The following LONRF1 variants were observed in gnomAD, a reference collection of about 807,000 sequenced individuals.
LONRF1 encodes LON peptidase N-terminal domain and ring finger 1, also known as LON peptidase N-terminal domain and RING finger protein 1.
A neutral mutation model predicts 85.8 loss-of-function variants in LONRF1; 37 were observed. That is an observed-to-expected ratio of 0.43 (90% confidence interval 0.33 to 0.57). The LOEUF (loss-of-function observed/expected upper bound fraction) is 0.57, where lower values mean the gene tolerates loss of function less well. LONRF1 is among the 20% of genes least tolerant of loss of function. The pLI is 0.04. For missense variants in LONRF1, 1,036 were observed against 978.0 expected, an observed-to-expected ratio of 1.06 and a Z score of -0.79; for synonymous variants, 517 against 390.1, an observed-to-expected ratio of 1.33 and a Z score of -3.83.
At chr8:12,742,637 T>C (rs1052577780) in intron 2 of LONRF1, among the ~76,000 whole-genome samples, 1 of 152,106 alleles carries the variant, frequency 6.6e-6, no homozygotes, top group African/African-American at 2.4e-5. Context: ...AATAAAGTCT[T>C]TTTTTTTCCT....
At chr8:12,733,066 G>C (rs1798588309) in intron 7 of LONRF1, among the ~76,000 whole-genome samples, 1 of 152,178 alleles carries the variant, frequency 6.6e-6, no homozygotes, top group African/African-American at 2.4e-5. Context: ...CCACGCCAGA[G>C]TCTCTGAGCA....
chr8:12,755,324 C>A lies in LONRF1; in HGVS notation c.97G>T (p.Gly33Cys). 8.0e-7 allele frequency: 1 copy of A among 1,255,146 alleles called. No individual in the cohort carries two copies. The highest frequency in any genetic ancestry group is 1.0e-6 in the Non-Finnish European group (1 of 995,558). 77.8% of individuals were successfully genotyped at this position (1,255,146 alleles called of 1,614,324 possible). Reference protein sequence around the residue: ...GRGRFWEVGGGSGHRLERAAA... With the variant: ...GRGRFWEVGGCSGHRLERAAA... ...GCGCGCTCCAGCCGATGGCCGCTGC[C>A]GCCGCCCACTTCCCAGAACCGGCCT... is the stretch of plus-strand genomic sequence containing the variant. Residue 33 changes from glycine to cysteine, a missense_variant, in exon 1 of 12, where the codon GGC becomes TGC. Coordinates refer to ENST00000398246, the MANE Select transcript of LONRF1 (RefSeq NM_152271.5).
chr8:12,737,998 C>G lies in LONRF1; in HGVS notation c.1110G>C (p.Lys370Asn), dbSNP rs748099411. The change falls in exon 4 of 12, where the codon AAG (lysine) becomes AAC (asparagine). Residue 370 changes from lysine (K) to asparagine (N), a missense_variant. Around this residue, in one of 3 missense-constraint regions of LONRF1, gnomAD observed 742 missense variants for 614.4 expected, o/e 1.21. Coordinates refer to ENST00000398246, the MANE Select transcript of LONRF1 (RefSeq NM_152271.5). ...ATAACCTTGTCTCACCCCGTACCTG[C>G]TTTGGGCTAGGTTCATTGAGAGACT... The part of the protein sequence containing the change: ...ESQSLNEPSP[K>N]QSEEIPEVTS... 6.2e-7 allele frequency: 1 copy of G among 1,603,074 alleles called. No individual in the cohort carries two copies. The highest frequency in any genetic ancestry group is 1.1e-5 in the South Asian group (1 of 87,330).
At chr8:12,734,868 T>C (rs1350960120) in intron 7 of LONRF1, among the ~76,000 whole-genome samples, 1 of 152,180 alleles carries the variant, frequency 6.6e-6, no homozygotes, top group Non-Finnish European at 1.5e-5. Context: ...AACATTTCCA[T>C]CAATGCAGAA....
chr8:12,746,613 T>G (rs563660557), intron 1 of LONRF1, among the ~76,000 whole-genome samples: 62 of 152,204 alleles, frequency 4.1e-4, no homozygotes, highest in Non-Finnish European at 6.9e-4. Context: ...TTAATTTCCT[T>G]AGCTTTAATA....
chr8:12,729,976 G>A (rs145151994), intron 8 of LONRF1, among the ~76,000 whole-genome samples: 3 of 152,290 alleles, frequency 2.0e-5, no homozygotes, highest in South Asian at 2.1e-4. Flanking sequence ...GCACAGGCAC[G>A]CTAAAGAACA....
intron 1 of LONRF1, among the ~76,000 whole-genome samples, chr8:12,750,620 C>A (rs1182032221): frequency 6.6e-6 from 1 of 152,106 alleles, no homozygotes; most frequent in Admixed American, 6.5e-5. Context: ...TTCATTTTAA[C>A]CTAGTTGAGT....
intron 1 of LONRF1, among the ~76,000 whole-genome samples, chr8:12,745,321 GAAAAAAAAAA>G (rs36196945): frequency 1.6e-5 from 2 of 122,332 alleles, no homozygotes; most frequent in African/African-American, 6.1e-5. Context: ...TATTTTTTTG[GAAAAAAAAAA>G]AAAAAAAAAA....
Position 12,755,480 on chromosome 8 carries a change from C to A in LONRF1, c.-60G>T. On this transcript the variant is annotated 5_prime_UTR_variant, in exon 1 of 12. Coordinates refer to ENST00000398246, the MANE Select transcript of LONRF1 (RefSeq NM_152271.5). The stretch of plus-strand genomic sequence containing the variant: ...CCACGGTCCCGGAGCCTCCCGGGCG[C>A]GCGGCTCCGCACGCGGCCCGCGAGC... 1 of 952,460 alleles carries A rather than the reference C, an allele frequency of 1.0e-6. No homozygotes were observed. Among genetic ancestry groups the A allele is most frequent in the Non-Finnish European group, 1.3e-6 (1 of 783,156 alleles). 59.0% of individuals were successfully genotyped at this position (952,460 alleles called of 1,614,324 possible).
At chr8:12,732,225 C>T (rs977723482) in intron 7 of LONRF1, among the ~76,000 whole-genome samples, 1 of 152,138 alleles carries the variant, frequency 6.6e-6, no homozygotes, top group Non-Finnish European at 1.5e-5. Context: ...GATACAAAAA[C>T]GGGATAAGGA....
At position 12,737,114 on chromosome 8, in the gene LONRF1, T is replaced by C. The variant is rs759353157; in HGVS notation, c.1140A>G (p.Ser380=). The C allele has an allele frequency of 1.8e-5, 29 of 1,612,666 alleles. No homozygotes were observed. In the East Asian group the frequency reaches 5.6e-4, roughly 31 times the overall value. ...KQSEEIPEVT[S]EPVKGSLNRA... ...GGTTTAAGCTTCCTTTGACAGGCTCTGAAGTGACCTCTGGTATTTCTTCAC... is the reference window on the plus strand; with the variant it reads ...GGTTTAAGCTTCCTTTGACAGGCTCCGAAGTGACCTCTGGTATTTCTTCAC... The change falls in exon 5 of 12, where the codon TCA becomes TCG. Residue 380 remains serine, a synonymous_variant. Transcript: ENST00000398246.
At chr8:12,725,965 T>C (rs1312629442) in intron 10 of LONRF1, 86 bp from the exon 11 acceptor site, 16 of 1,289,164 alleles carry the variant, frequency 1.2e-5, no homozygotes, top group Non-Finnish European at 1.7e-5. Context: ...GAAAAAGGGA[T>C]CAGAAGAACA....
In LONRF1 at chr8:12,751,308, T is replaced by TTGTTTG. The variant is rs1563160711; in HGVS notation, c.721+3391_721+3392insCAAACA. Reference sequence around the variant, plus strand: ...TTTTTATTTTTATGTTTTTTTTTTTTTTTTTTTTTTTTGAGACTGAGTCTT... The same window carrying TTGTTTG: ...TTTTTATTTTTATGTTTTTTTTTTTTTGTTTGTTTTTTTTTTTTGAGACTGAGTCTT... On this transcript the variant is annotated intron_variant, in intron 1 of 11. Transcript: ENST00000398246. Among the ~76,000 whole-genome samples, 57 of 134,670 alleles carry TTGTTTG rather than the reference T, an allele frequency of 4.2e-4. 3 individuals are homozygous for TTGTTTG. Among genetic ancestry groups the TTGTTTG allele is most frequent in the East Asian group, 4.2e-3 (20 of 4,814 alleles). 88.3% of individuals were successfully genotyped at this position (134,670 alleles called of 152,430 possible). A position where few individuals can be genotyped will look rare whatever the true frequency, so the allele number is the denominator to read the frequency against.
At chr8:12,737,164 G>GT in intron 4 of LONRF1, 24 bp from the exon 5 acceptor site, 1 of 1,605,112 alleles carries the variant, frequency 6.2e-7, no homozygotes, top group Non-Finnish European at 8.5e-7. Flanking sequence ...ATAAACAAAG[G>GT]TAACTGTATT....
rs184253628 is a variant in LONRF1 at position 12,736,392 on chromosome 8, C to A, written c.1451+309G>T. The stretch of plus-strand genomic sequence containing the variant: ...GATAGGTAAGTTTCAAAAATAATAT[C>A]ATCTATAACTTTCTTAGTACTTTAC... On this transcript the variant is annotated intron_variant, in intron 6 of 11. Coordinates refer to ENST00000398246, the MANE Select transcript of LONRF1 (RefSeq NM_152271.5). Among the ~76,000 whole-genome samples the A allele has an allele frequency of 2.0e-4, 31 of 152,160 alleles. No homozygotes were observed. In the East Asian group the frequency reaches 5.2e-3, roughly 26 times the overall value.
chr8:12,754,482 C>G (rs996803274), intron 1 of LONRF1: 4 of 449,246 alleles, frequency 8.9e-6, no homozygotes, highest in African/African-American at 4.1e-5. Flanking sequence ...CGCGCCGCGT[C>G]ACAGTCGGCT....
chr8:12,745,192 GA>G (rs1799097576), intron 1 of LONRF1, among the ~76,000 whole-genome samples: 1 of 152,092 alleles, frequency 6.6e-6, no homozygotes, highest in Non-Finnish European at 1.5e-5. Context: ...GTTGGGGTAA[GA>G]AGAGAAGATG....
At chr8:12,723,423 A>G (rs560392668) in intron 11 of LONRF1, among the ~76,000 whole-genome samples, 169 bp from the exon 12 acceptor site, 13 of 152,362 alleles carry the variant, frequency 8.5e-5, no homozygotes, top group African/African-American at 2.9e-4. Context: ...ACTGAAGCTC[A>G]GCAATGTAAT....
intron 1 of LONRF1, among the ~76,000 whole-genome samples, chr8:12,749,993 G>C (rs1799314154): frequency 6.6e-6 from 1 of 152,314 alleles, no homozygotes. Context: ...TGAATAGTAA[G>C]AATATTTTAG....
Sources: allele counts gnomAD v4.1 joint callset (sites outside exome capture counted in the v4.1 genomes callset), GRCh38; gene constraint gnomAD v4.1.1; regional missense constraint gnomAD v4.1.1; transcripts MANE v1.5; gene names NCBI Gene and HGNC (gene_info 2026-07-23, HGNC 2026-07-21).